Variants in MDGA2 observed in about 807,000 individuals in gnomAD.
MDGA2 encodes the protein MAM domain-containing glycosylphosphatidylinositol anchor protein 2.
In MDGA2, 40 loss-of-function variants were observed where a neutral mutation model predicts 117.8. The observed-to-expected ratio is 0.34, with a 90% CI of 0.26 to 0.44. The LOEUF (loss-of-function observed/expected upper bound fraction) is 0.44, where lower values mean the gene tolerates loss of function less well. Among genes scored for constraint, MDGA2 ranks in the 20% least tolerant of loss-of-function variants. The pLI is 1.00. For missense variants in MDGA2, 1,123 were observed against 1,250.6 expected (o/e 0.90, Z 1.54); for synonymous variants, 452 against 439.0 (o/e 1.03, Z -0.37).
chr14:46,892,716 AAAG>A (rs1882929633), intron 10 of MDGA2, among the ~76,000 whole-genome samples: 1 of 152,128 alleles, frequency 6.6e-6, no homozygotes, highest in Non-Finnish European at 1.5e-5. Context: ...ATATTTCTTT[AAAG>A]AAGAAGTAAA....
chr14:46,923,581 G>A (rs1884214673), intron 9 of MDGA2, among the ~76,000 whole-genome samples: 1 of 151,928 alleles, frequency 6.6e-6, no homozygotes, highest in South Asian at 2.1e-4. Flanking sequence ...ATAAGTAATT[G>A]CTAATGAGAA....
intron 1 of MDGA2, among the ~76,000 whole-genome samples, chr14:47,594,749 C>T (rs1351690136): frequency 1.3e-5 from 2 of 152,140 alleles, no homozygotes; most frequent in South Asian, 2.1e-4. Context: ...TGCCATGCAC[C>T]CTTTCATTTT....
At chr14:47,435,883 G>A (rs2138536296) in intron 1 of MDGA2, among the ~76,000 whole-genome samples, 1 of 152,214 alleles carries the variant, frequency 6.6e-6, no homozygotes, top group Non-Finnish European at 1.5e-5. Flanking sequence ...GAACGTGGCT[G>A]TCAAACAGTT....
At chr14:47,184,462 A>T (rs1884832999) in intron 3 of MDGA2, among the ~76,000 whole-genome samples, 1 of 151,952 alleles carries the variant, frequency 6.6e-6, no homozygotes, top group African/African-American at 2.4e-5. Context: ...ACTTTGGGTT[A>T]TATTATTAAA....
chr14:47,527,428 G>A (rs1384013398), intron 1 of MDGA2, among the ~76,000 whole-genome samples: 2 of 152,132 alleles, frequency 1.3e-5, no homozygotes, highest in Non-Finnish European at 1.5e-5. Flanking sequence ...AAGGGCAGGA[G>A]GTAGGAAAGA....
chr14:47,631,993 A>T (rs1268745517), intron 1 of MDGA2, among the ~76,000 whole-genome samples: 3 of 151,750 alleles, frequency 2.0e-5, no homozygotes, highest in East Asian at 3.9e-4. Flanking sequence ...ATGACCCAAG[A>T]TGAAGGTTCT....
In MDGA2 at chr14:47,087,572, C is replaced by T. The variant is rs151267448; in HGVS notation, c.1195+9282G>A. 3.8e-3 allele frequency among the ~76,000 whole-genome samples: 580 copies of T among 151,112 alleles called. 6 individuals carry two copies. The highest frequency in any genetic ancestry group is 0.013 in the African/African-American group (553 of 41,088). ...AGTATCACAGAGAAGTAACCAAAGG[C>T]CTATTTACATATCTATGATGTCAGA... On this transcript the variant is annotated intron_variant, in intron 6 of 16. Coordinates refer to ENST00000399232, the MANE Select transcript of MDGA2 (RefSeq NM_001113498.3).
At chr14:47,538,460 A>G (rs1475705676) in intron 1 of MDGA2, among the ~76,000 whole-genome samples, 1 of 152,240 alleles carries the variant, frequency 6.6e-6, no homozygotes, top group Non-Finnish European at 1.5e-5. Context: ...AAAGTGTTTC[A>G]GTCTATAACA....
chr14:47,555,452 TGTGTG>T (rs1895664850), intron 1 of MDGA2, among the ~76,000 whole-genome samples: 1 of 152,124 alleles, frequency 6.6e-6, no homozygotes, highest in African/African-American at 2.4e-5. Flanking sequence ...CTGACCAATA[TGTGTG>T]CTGGGGATAT....
At chr14:47,665,483 C>T (rs1444946069) in intron 1 of MDGA2, among the ~76,000 whole-genome samples, 1 of 152,170 alleles carries the variant, frequency 6.6e-6, no homozygotes, top group East Asian at 1.9e-4. Context: ...CTTCTCCGGG[C>T]TGGCTGAGGC....
intron 3 of MDGA2, among the ~76,000 whole-genome samples, chr14:47,198,354 CGAG>C (rs376436555): frequency 6.6e-6 from 1 of 152,168 alleles, no homozygotes; most frequent in Non-Finnish European, 1.5e-5. Context: ...GGGCAGATCA[CGAG>C]GTCAGGAGAT....
At chr14:47,670,498 T>C (rs1898054568) in intron 1 of MDGA2, among the ~76,000 whole-genome samples, 1 of 152,166 alleles carries the variant, frequency 6.6e-6, no homozygotes, top group Non-Finnish European at 1.5e-5. Flanking sequence ...TCATTGTCAA[T>C]AGGATCTCTA....
rs528442445 is a variant in MDGA2 at position 47,578,199 on chromosome 14, G to A, written c.280+96318C>T. 4.0e-5 allele frequency among the ~76,000 whole-genome samples: 6 copies of A among 151,872 alleles called. No homozygotes were observed. In the East Asian group the frequency reaches 7.8e-4, roughly 20 times the overall value. On this transcript the variant is annotated intron_variant, in intron 1 of 16. Coordinates refer to ENST00000399232, the MANE Select transcript of MDGA2 (RefSeq NM_001113498.3). Reference sequence around the variant, plus strand: ...AACCAAACACTACATGTTCTCACTCGTAAGTGAGACAGATGGACACAGAGA... The same window carrying A: ...AACCAAACACTACATGTTCTCACTCATAAGTGAGACAGATGGACACAGAGA...
At chr14:47,535,189 A>G (rs1406721234) in intron 1 of MDGA2, among the ~76,000 whole-genome samples, 2 of 152,204 alleles carry the variant, frequency 1.3e-5, no homozygotes, top group African/African-American at 4.8e-5. Flanking sequence ...TTCCATTTAT[A>G]TCACTTACAC....
chr14:47,140,514 T>A (rs1882672202), intron 4 of MDGA2, among the ~76,000 whole-genome samples: 1 of 151,964 alleles, frequency 6.6e-6, no homozygotes, highest in African/African-American at 2.4e-5. Context: ...AGACAGCACA[T>A]AACCAAATCA....
intron 10 of MDGA2, among the ~76,000 whole-genome samples, chr14:46,888,134 A>G (rs1026067359): frequency 5.9e-5 from 9 of 152,020 alleles, no homozygotes. Context: ...TCTTTAATTT[A>G]AGCTGTAATG....
intron 1 of MDGA2, among the ~76,000 whole-genome samples, chr14:47,363,537 AGT>A (rs909025089): frequency 2.0e-5 from 3 of 152,098 alleles, no homozygotes; most frequent in Non-Finnish European, 4.4e-5. Context: ...AGATTACAGG[AGT>A]GAGTCACCAT....
intron 1 of MDGA2, among the ~76,000 whole-genome samples, chr14:47,365,260 T>G (rs1436224539): frequency 6.6e-6 from 1 of 152,254 alleles, no homozygotes; most frequent in African/African-American, 2.4e-5. Flanking sequence ...TGAGCACAGC[T>G]GGAAAATGTG....
intron 9 of MDGA2, among the ~76,000 whole-genome samples, chr14:46,955,583 C>T (rs897918618): frequency 6.6e-6 from 1 of 151,978 alleles, no homozygotes; most frequent in African/African-American, 2.4e-5. Context: ...TAAGTGAACA[C>T]AACGGTATTC....
Sources: gnomAD v4.1 joint callset for allele counts (sites outside exome capture counted in the v4.1 genomes callset) on GRCh38, gnomAD v4.1.1 for gene constraint, MANE v1.5 for transcripts, NCBI Gene and HGNC (gene_info 2026-07-23, HGNC 2026-07-21) for gene names.